MACF1: variants seen among roughly 807,000 people sequenced by gnomAD.
The protein encoded by MACF1 is microtubule-actin cross-linking factor 1.
MACF1 carries 193 observed loss-of-function variants against 854.8 expected under a neutral mutation model. The ratio of observed to expected loss-of-function variants is 0.23; its 90% CI spans 0.20 to 0.25. The LOEUF (loss-of-function observed/expected upper bound fraction) is 0.25, where lower values mean the gene tolerates loss of function less well. Ranked by LOEUF, MACF1 falls within the 10% of genes least tolerant of loss-of-function variation. The probability of loss-of-function intolerance (pLI) is 1.00; values close to 1 mark genes in which losing one functional copy is unlikely to be tolerated. For missense variants in MACF1, 7,722 were observed against 8,929.1 expected (o/e 0.86, Z 5.45); for synonymous variants, 3,185 against 3,226.7 (o/e 0.99, Z 0.44).
At chr1:39,199,328 T>C (rs567862023) in intron 2 of MACF1, among the ~76,000 whole-genome samples, 34 of 151,846 alleles carry the variant, frequency 2.2e-4, no homozygotes, top group African/African-American at 6.8e-4. Flanking sequence ...ATATATTTAT[T>C]TGGAATCAGG....
intron 26 of MACF1, 148 bp from the exon 27 acceptor site, chr1:39,315,365 G>A (rs1646391744): frequency 8.2e-6 from 5 of 608,578 alleles, no homozygotes; most frequent in Middle Eastern, 3.4e-4. Flanking sequence ...ATTCTCCATC[G>A]TATGTCTGCT....
In MACF1 at chr1:39,381,928, ACATTCCCT is replaced by A. The variant is rs1237651317; in HGVS notation, c.13649-20_13649-13del. 1 of 1,560,748 alleles carries A rather than the reference ACATTCCCT, an allele frequency of 6.4e-7. No homozygotes were observed. Among genetic ancestry groups the A allele is most frequent in the African/African-American group, 1.4e-5 (1 of 73,860 alleles). ...CCAGTTGTTGATAATGTAAAGGAATACATTCCCTCATTTCCTCTCTACAGATTCCCGAT... is the reference window on the plus strand; with the variant it reads ...CCAGTTGTTGATAATGTAAAGGAATACATTTCCTCTCTACAGATTCCCGAT... On this transcript the variant is annotated splice_polypyrimidine_tract_variant and intron_variant, in intron 55 of 100. Transcript: ENST00000564288.
At chr1:39,107,828 TCTG>T (rs1281494046) in intron 2 of MACF1, among the ~76,000 whole-genome samples, 1 of 152,200 alleles carries the variant, frequency 6.6e-6, no homozygotes, top group Non-Finnish European at 1.5e-5. Flanking sequence ...TGGATCTCTC[TCTG>T]CTGCTATTAA....
chr1:39,467,551 G>A (rs967116895), intron 95 of MACF1, among the ~76,000 whole-genome samples: 2 of 152,134 alleles, frequency 1.3e-5, no homozygotes, highest in Admixed American at 6.5e-5. Flanking sequence ...AGAAACTCCA[G>A]ATGTTTAGAG....
intron 6 of MACF1, among the ~76,000 whole-genome samples, chr1:39,259,280 T>A (rs1645130171): frequency 1.3e-5 from 2 of 152,182 alleles, no homozygotes; most frequent in South Asian, 4.1e-4. Flanking sequence ...CTAAATTAAT[T>A]TCCTTTTTTT....
At chr1:39,243,866 T>C (rs1267831051) in intron 2 of MACF1, among the ~76,000 whole-genome samples, 2 of 152,100 alleles carry the variant, frequency 1.3e-5, no homozygotes, top group African/African-American at 4.8e-5. Flanking sequence ...GGGATGTTAA[T>C]TGAGCCCTCC....
rs755691403 is a variant in MACF1, at chr1:39,469,635, C to T, written c.21958+20C>T. On this transcript the variant is annotated intron_variant, in intron 97 of 100. Transcript: ENST00000564288. ...CCATAGGTTGGCTTTTAAGCTTTGT[C>T]CCTCTTCCTCACACCCTAGCCCATT... 4 of 1,540,836 alleles carry T rather than the reference C, an allele frequency of 2.6e-6. No individual in the cohort carries two copies. Among genetic ancestry groups the T allele is most frequent in the South Asian group, 1.2e-5 (1 of 83,882 alleles).
chr1:39,308,940 G>A (rs748383786), intron 23 of MACF1, among the ~76,000 whole-genome samples: 10 of 152,168 alleles, frequency 6.6e-5, no homozygotes, highest in Non-Finnish European at 1.0e-4. Flanking sequence ...ACAGGTGTGA[G>A]CCATGCAGTT....
chr1:39,230,398 G>C (rs1239948765), intron 1 of MACF1, among the ~76,000 whole-genome samples: 1 of 152,158 alleles, frequency 6.6e-6, no homozygotes, highest in Non-Finnish European at 1.5e-5. Flanking sequence ...AGGATGATTT[G>C]AACAAGAGGT....
intron 2 of MACF1, among the ~76,000 whole-genome samples, chr1:39,232,202 A>G (rs1644785758): frequency 6.6e-6 from 1 of 151,374 alleles, no homozygotes; most frequent in Non-Finnish European, 1.5e-5. Context: ...GTTAAGACTC[A>G]CCTAAAGATA....
At chr1:39,270,586 A>T (rs1645296857) in intron 6 of MACF1, among the ~76,000 whole-genome samples, 1 of 152,334 alleles carries the variant, frequency 6.6e-6, no homozygotes, top group South Asian at 2.1e-4. Flanking sequence ...AGCATCTGGC[A>T]TGTAGGTGTG....
At chr1:39,435,366 A>G (rs1229721371) in intron 69 of MACF1, among the ~76,000 whole-genome samples, 192 bp from the exon 70 acceptor site, 5 of 152,210 alleles carry the variant, frequency 3.3e-5, no homozygotes, top group Non-Finnish European at 7.3e-5. Context: ...TTCAAAAATT[A>G]AATTGGGTAA....
At chr1:39,360,590 A>G (rs371206917) in intron 47 of MACF1, among the ~76,000 whole-genome samples, 3 of 151,656 alleles carry the variant, frequency 2.0e-5, no homozygotes, top group East Asian at 3.9e-4. Context: ...TAATCCAGGC[A>G]CTTTAGGAGG....
Position 39,458,474 on chromosome 1 carries a change from A to G in MACF1, c.21180A>G (p.Lys7060=), listed in dbSNP as rs1197729550. Reference sequence around the variant, plus strand: ...CTACTCACGCGCCTTTCATAGAGAAATCCCGCAGCGGAGGCAGTATGTTTC... The same window carrying G: ...CTACTCACGCGCCTTTCATAGAGAAGTCCCGCAGCGGAGGCAGTATGTTTC... ...IEPTHAPFIE[K]SRSGGRKSLS... is the part of the protein sequence containing the mutation. Residue 7060 remains lysine (K), a synonymous_variant, in exon 90 of 101, where the codon AAA becomes AAG. Transcript: ENST00000564288. 2 of 1,613,602 alleles carry G rather than the reference A, an allele frequency of 1.2e-6. No homozygotes were observed. Among genetic ancestry groups the G allele is most frequent in the African/African-American group, 2.7e-5 (2 of 74,876 alleles).
At chr1:39,153,947 G>A (rs1643632409) in intron 2 of MACF1, among the ~76,000 whole-genome samples, 1 of 152,210 alleles carries the variant, frequency 6.6e-6, no homozygotes, top group South Asian at 2.1e-4. Context: ...ACCTGCTTTT[G>A]TTACTGGCTC....
intron 51 of MACF1, among the ~76,000 whole-genome samples, 188 bp from the exon 52 acceptor site, chr1:39,372,291 C>T (rs1372603214): frequency 1.3e-5 from 2 of 151,842 alleles, no homozygotes; most frequent in Non-Finnish European, 2.9e-5. Context: ...TATTTTGTAC[C>T]CCAGTGTTTG....
At chr1:39,315,402 T>A in intron 26 of MACF1, 111 bp from the exon 27 acceptor site, 1 of 851,428 alleles carries the variant, frequency 1.2e-6, no homozygotes, top group Non-Finnish European at 1.9e-6. Context: ...CAGCCTCCTA[T>A]ATATGGGCAT....
intron 2 of MACF1, among the ~76,000 whole-genome samples, chr1:39,196,295 T>A (rs1226940329): frequency 6.6e-6 from 1 of 152,246 alleles, no homozygotes; most frequent in African/African-American, 2.4e-5. Context: ...TTTTCCTTAC[T>A]TTATTGTATT....
chr1:39,266,253 A>T (rs923544893), intron 6 of MACF1, among the ~76,000 whole-genome samples: 1 of 152,248 alleles, frequency 6.6e-6, no homozygotes, highest in African/African-American at 2.4e-5. Flanking sequence ...ATAAAATTCA[A>T]GTGCATCTTA....
Sources: gnomAD v4.1 joint callset for allele counts (sites outside exome capture counted in the v4.1 genomes callset) on GRCh38, gnomAD v4.1.1 for gene constraint, MANE v1.5 for transcripts, NCBI Gene and HGNC (gene_info 2026-07-23, HGNC 2026-07-21) for gene names.